The following DYNC2I1 variants were observed in gnomAD, a reference collection of about 807,000 sequenced individuals.
DYNC2I1 encodes dynein 2 intermediate chain 1.
A neutral mutation model predicts 133.4 loss-of-function variants in DYNC2I1; 89 were observed. The observed-to-expected ratio is 0.67, with a 90% CI of 0.56 to 0.80. DYNC2I1 has a LOEUF of 0.80. DYNC2I1 is among the 30% of genes least tolerant of loss of function. The pLI is 0.00. For synonymous variants in DYNC2I1, 504 were observed against 484.3 expected (o/e 1.04, Z -0.54); for missense variants, 1,291 against 1,314.5 (o/e 0.98, Z 0.28).
At chr7:158,889,587 G>A (rs1433492714) in intron 7 of DYNC2I1, among the ~76,000 whole-genome samples, 1 of 151,920 alleles carries the variant, frequency 6.6e-6, no homozygotes, top group Non-Finnish European at 1.5e-5. Flanking sequence ...ATTATAATGT[G>A]AGCCACATTT....
rs1554455352 is a variant in DYNC2I1 at position 158,893,699 on chromosome 7, T to TGCATATCGTACC, written c.1059+2367_1059+2378dup. ...CCATATATCATAGTGCATATCCTAC[T>TGCATATCGTACC]GCATATCGTACCACATATCGTACTG... On this transcript the variant is annotated intron_variant, in intron 8 of 24. Coordinates refer to ENST00000407559, the MANE Select transcript of DYNC2I1 (RefSeq NM_018051.5). Among the ~76,000 whole-genome samples the TGCATATCGTACC allele has an allele frequency of 7.3e-3, 1,092 of 150,282 alleles. 9 individuals carry two copies. Among genetic ancestry groups the TGCATATCGTACC allele is most frequent in the African/African-American group, 0.025 (994 of 40,460 alleles).
At chr7:158,882,948 A>G (rs1418046025) in intron 5 of DYNC2I1, among the ~76,000 whole-genome samples, 3 of 151,728 alleles carry the variant, frequency 2.0e-5, no homozygotes, top group African/African-American at 4.8e-5. Context: ...CGAGCATTGT[A>G]TAATTAAAGA....
rs183281577 is a variant in DYNC2I1 at position 158,870,540 on chromosome 7, T to C, written c.70-602T>C. On this transcript the variant is annotated intron_variant, in intron 2 of 24. Transcript: ENST00000407559. ...GCTAATTTTTTAATTTTTTAATTTTTTAATTTTTTGCGGGAGAGATGGGGA... is the reference window on the plus strand; with the variant it reads ...GCTAATTTTTTAATTTTTTAATTTTCTAATTTTTTGCGGGAGAGATGGGGA... Among the ~76,000 whole-genome samples, 113 of 151,960 alleles carry C rather than the reference T, an allele frequency of 7.4e-4. 1 individual carries two copies. The East Asian group carries it at 0.019, about 26-fold the overall frequency.
chr7:158,940,011 C>A (rs893088555), intron 23 of DYNC2I1, among the ~76,000 whole-genome samples: 1 of 152,096 alleles, frequency 6.6e-6, no homozygotes, highest in Admixed American at 6.6e-5. Flanking sequence ...ATTAATAGAT[C>A]TAAAACAGAA....
Position 158,945,799 on chromosome 7 carries a change from C to T in DYNC2I1, c.*20C>T, listed in dbSNP as rs754455768. ...AAGTAGCGGGTGTGGCTGAGAGGAC[C>T]GCGTTTCTGTAATGACCCAGATTTA... is the stretch of plus-strand genomic sequence containing the variant. On this transcript the variant is annotated 3_prime_UTR_variant, in exon 25 of 25. Transcript: ENST00000407559. The surrounding 1 kb of genome is among the most constrained non-coding windows in gnomAD (Gnocchi z 4.1). 16 of 1,505,518 alleles carry T rather than the reference C, an allele frequency of 1.1e-5. No individual in the cohort carries two copies. Among genetic ancestry groups the T allele is most frequent in the South Asian group, 2.7e-5 (2 of 73,626 alleles). 93.3% of individuals were successfully genotyped at this position (1,505,518 alleles called of 1,614,324 possible). A position where few individuals can be genotyped will look rare whatever the true frequency, so the allele number is the denominator to read the frequency against.
rs1849323846 is a variant in DYNC2I1, at chr7:158,923,688, C to T, written c.2212C>T (p.Leu738=). 6.2e-7 allele frequency: 1 copy of T among 1,613,988 alleles called. No homozygotes were observed. Among genetic ancestry groups the T allele is most frequent in the South Asian group, 1.1e-5 (1 of 91,084 alleles). ...EDSRLHYSVT[L]SDGFWTFRTA... ...CTCAAGGCTGCATTACTCTGTGACG[C>T]TGAGCGATGGCTTCTGGACGTTCCG... Residue 738 remains leucine, a synonymous_variant, in exon 17 of 25, where the codon CTG becomes TTG. Coordinates refer to ENST00000407559, the MANE Select transcript of DYNC2I1 (RefSeq NM_018051.5).
chr7:158,843,991 A>T, the DYNC2I1 span, among the ~76,000 whole-genome samples: 2 of 152,190 alleles, frequency 1.3e-5, no homozygotes, highest in Admixed American at 1.3e-4. Flanking sequence ...AATCTACTTT[A>T]CATGTGGAAA....
Position 158,922,565 on chromosome 7 carries a change from A to G in DYNC2I1, c.2094+16A>G, listed in dbSNP as rs1411503830. 2 of 1,611,024 alleles carry G rather than the reference A, an allele frequency of 1.2e-6. No homozygotes were observed. The highest frequency in any genetic ancestry group is 1.3e-5 in the African/African-American group (1 of 74,826). ...TGAGTCCCAGGTACAGCTCAGGATG[A>G]GAGTCGCACGTTTGATGGGAGGATG... On this transcript the variant is annotated intron_variant, in intron 16 of 24. Coordinates refer to ENST00000407559, the MANE Select transcript of DYNC2I1 (RefSeq NM_018051.5).
chr7:158,856,036 G>T (rs535037381), upstream of DYNC2I1, among the ~76,000 whole-genome samples: 1 of 149,978 alleles, frequency 6.7e-6, no homozygotes, highest in Non-Finnish European at 1.5e-5. Context: ...CCGTCTCCCA[G>T]GTTCACGCCA....
At chr7:158,924,627 TTAAA>T (rs1849432844) in intron 17 of DYNC2I1, among the ~76,000 whole-genome samples, 1 of 152,260 alleles carries the variant, frequency 6.6e-6, no homozygotes, top group African/African-American at 2.4e-5. Context: ...AAGATATCTT[TTAAA>T]TAAATAATCT....
rs901588702 is a variant in DYNC2I1 at position 158,856,715 on chromosome 7, C to T, written c.-21C>T. 2 of 1,233,604 alleles carry T rather than the reference C, an allele frequency of 1.6e-6. No individual in the cohort carries two copies. Among genetic ancestry groups the T allele is most frequent in the African/African-American group, 1.6e-5 (1 of 64,462 alleles). 76.4% of individuals were successfully genotyped at this position (1,233,604 alleles called of 1,614,324 possible). A position where few individuals can be genotyped will look rare whatever the true frequency, so the allele number is the denominator to read the frequency against. ...TGGCCGGGGCCGAGGACACCGCGGC[C>T]GCCCGGGCCTGCGGGAAGCGATGGA... On this transcript the variant is annotated 5_prime_UTR_variant, in exon 1 of 25. Coordinates refer to ENST00000407559, the MANE Select transcript of DYNC2I1 (RefSeq NM_018051.5).
At chr7:158,929,841 C>G (rs762394114) in intron 20 of DYNC2I1, among the ~76,000 whole-genome samples, 3 of 152,214 alleles carry the variant, frequency 2.0e-5, no homozygotes, top group Non-Finnish European at 4.4e-5. Flanking sequence ...GGCCGAGGAG[C>G]CAGCGCTGTA....
intron 8 of DYNC2I1, among the ~76,000 whole-genome samples, chr7:158,893,877 A>G (rs1845483976): frequency 6.6e-6 from 1 of 152,064 alleles, no homozygotes; most frequent in South Asian, 2.1e-4. Flanking sequence ...CACATATCAT[A>G]TCGTAACACA....
chr7:158,949,163 ACT>A (rs1267678931), downstream of DYNC2I1, among the ~76,000 whole-genome samples: 1 of 152,162 alleles, frequency 6.6e-6, no homozygotes, highest in Non-Finnish European at 1.5e-5. Context: ...CCTCTTGGAG[ACT>A]CAACACCAGG....
chr7:158,868,980 T>C (rs1429550016), intron 1 of DYNC2I1, among the ~76,000 whole-genome samples: 1 of 152,198 alleles, frequency 6.6e-6, no homozygotes, highest in African/African-American at 2.4e-5. Context: ...TAAGAGGCTG[T>C]GGTGTGAGAC....
chr7:158,906,723 GCTGGGATTACAGGCAT>G (rs1387230492), intron 11 of DYNC2I1, among the ~76,000 whole-genome samples: 4 of 152,294 alleles, frequency 2.6e-5, no homozygotes, highest in African/African-American at 7.2e-5. Context: ...CTCCCAAAGT[GCTGGGATTACAGGCAT>G]GAGCCAGCAT....
chr7:158,849,310 TG>T, the DYNC2I1 span, among the ~76,000 whole-genome samples: 1 of 152,234 alleles, frequency 6.6e-6, no homozygotes, highest in East Asian at 1.9e-4. Flanking sequence ...AAATAGATAT[TG>T]TATCTGACTG....
intron 5 of DYNC2I1, among the ~76,000 whole-genome samples, chr7:158,882,923 A>G (rs1354687890): frequency 1.3e-5 from 2 of 151,734 alleles, no homozygotes; most frequent in Non-Finnish European, 2.9e-5. Flanking sequence ...ACGATACAAT[A>G]TCAGGAATGG....
chr7:158,926,026 C>A (rs971630073), intron 17 of DYNC2I1, among the ~76,000 whole-genome samples, 161 bp from the exon 18 acceptor site: 1 of 152,110 alleles, frequency 6.6e-6, no homozygotes, highest in African/African-American at 2.4e-5. Context: ...GTGTGTCAGT[C>A]GTGTGTGGTC....
Sources: allele counts gnomAD v4.1 joint callset (sites outside exome capture counted in the v4.1 genomes callset), GRCh38; gene constraint gnomAD v4.1.1; non-coding constraint Gnocchi (gnomAD v3.1); transcripts MANE v1.5; gene names NCBI Gene and HGNC (gene_info 2026-07-23, HGNC 2026-07-21).